The following DIP2C variants were observed in gnomAD, a reference collection of about 807,000 sequenced individuals.
DIP2C encodes the protein disco-interacting protein 2 homolog C.
In DIP2C, 33 loss-of-function variants were observed where a neutral mutation model predicts 192.4. The observed-to-expected ratio is 0.17, with a 90% confidence interval of 0.13 to 0.23. DIP2C has a LOEUF of 0.23. Among genes scored for constraint, DIP2C ranks in the 10% least tolerant of loss-of-function variants. The probability of loss-of-function intolerance (pLI) is 1.00; values close to 1 mark genes in which losing one functional copy is unlikely to be tolerated. For synonymous variants in DIP2C, 979 were observed against 864.1 expected (o/e 1.13, Z -2.33); for missense variants, 1,537 against 2,110.1 (o/e 0.73, Z 5.32).
At chr10:576,919 TAAA>T (rs983081552) in intron 1 of DIP2C, among the ~76,000 whole-genome samples, 3 of 144,848 alleles carry the variant, frequency 2.1e-5, no homozygotes, top group Admixed American at 2.1e-4. Flanking sequence ...TTCTGTCTAA[TAAA>T]AAAAAAAATA....
intron 35 of DIP2C, 79 bp from the exon 36 acceptor site, chr10:281,402 A>G: frequency 6.7e-7 from 1 of 1,502,048 alleles, no homozygotes; most frequent in South Asian, 1.3e-5. Context: ...AAAAAAGATT[A>G]AAAACGACCC....
At chr10:316,647 A>G (rs933246110) in intron 31 of DIP2C, among the ~76,000 whole-genome samples, 2 of 152,184 alleles carry the variant, frequency 1.3e-5, no homozygotes, top group Non-Finnish European at 2.9e-5. Context: ...TGGGTGATCC[A>G]GGCCACCCTC....
intron 1 of DIP2C, among the ~76,000 whole-genome samples, chr10:615,952 C>T (rs1179898019): frequency 6.6e-6 from 1 of 152,198 alleles, no homozygotes; most frequent in Non-Finnish European, 1.5e-5. Context: ...AGCCCGCTCA[C>T]ATTAATGACC....
chr10:348,229 T>C (rs1245913591), intron 26 of DIP2C, among the ~76,000 whole-genome samples: 1 of 152,220 alleles, frequency 6.6e-6, no homozygotes, highest in Admixed American at 6.5e-5. Context: ...CTCCTCCAGC[T>C]GTAGACGAAG....
Position 532,650 on chromosome 10 carries a change from TGA to T in DIP2C, c.86-46122_86-46121del, listed in dbSNP as rs1188687362. Among the ~76,000 whole-genome samples, 32 of 97,384 alleles carry T rather than the reference TGA, an allele frequency of 3.3e-4. 2 individuals carry two copies. Among genetic ancestry groups the T allele is most frequent in the African/African-American group, 5.0e-4 (9 of 17,890 alleles). The allele number at this position is 97,384 out of a possible 152,430, so 63.9% of individuals were successfully genotyped here. On this transcript the variant is annotated intron_variant, in intron 1 of 36. Coordinates refer to ENST00000280886, the MANE Select transcript of DIP2C (RefSeq NM_014974.3). ...ATGGGTGTGAGAGAGAGTATGGGTG[TGA>T]GAGAGAGTATGGGTGTGAGAGAGAG...
intron 3 of DIP2C, among the ~76,000 whole-genome samples, chr10:466,808 A>G (rs1970238514): frequency 7.0e-6 from 1 of 141,940 alleles, no homozygotes; most frequent in Admixed American, 7.5e-5. Flanking sequence ...GCCGTCAGAG[A>G]AATGCAAATC....
At chr10:606,544 CCGAA>C (rs1323596436) in intron 1 of DIP2C, among the ~76,000 whole-genome samples, 69 of 149,698 alleles carry the variant, frequency 4.6e-4, no homozygotes, top group South Asian at 1.3e-3. Context: ...CTGCTGTGAT[CCGAA>C]TTCTCATTGG....
chr10:417,049 A>G (rs140004880), intron 6 of DIP2C, among the ~76,000 whole-genome samples: 166 of 152,382 alleles, frequency 1.1e-3, no homozygotes, highest in African/African-American at 3.8e-3. Flanking sequence ...TAAATATTTC[A>G]TATCTCTGAA....
At chr10:579,314 C>T (rs935489030) in intron 1 of DIP2C, among the ~76,000 whole-genome samples, 15 of 151,916 alleles carry the variant, frequency 9.9e-5, no homozygotes, top group Non-Finnish European at 2.1e-4. Context: ...CATAGGTACA[C>T]TATAATACGT....
intron 1 of DIP2C, among the ~76,000 whole-genome samples, chr10:685,138 A>C: frequency 4.2e-4 from 21 of 50,310 alleles, no homozygotes; most frequent in African/African-American, 2.1e-3. Context: ...TGGTCCCCAA[A>C]AAAAAAAAAA....
chr10:550,537 C>G (rs1195529751), intron 1 of DIP2C, among the ~76,000 whole-genome samples: 2 of 152,120 alleles, frequency 1.3e-5, no homozygotes, highest in Admixed American at 1.3e-4. Context: ...CTATAGATAT[C>G]AACATTCTCC....
rs910000953 is a variant in DIP2C, at chr10:431,059, T to C, written c.395-8026A>G. On this transcript the variant is annotated intron_variant, in intron 4 of 36. Coordinates refer to ENST00000280886, the MANE Select transcript of DIP2C (RefSeq NM_014974.3). ...TTACTGGGCTCTCTATTCTGTCCCA[T>C]TGATCCTTTTGTTTGTTCTTTCACC... 3.3e-5 allele frequency among the ~76,000 whole-genome samples: 5 copies of C among 152,350 alleles called. No individual in the cohort carries two copies. In the East Asian group the frequency reaches 9.6e-4, roughly 29 times the overall value.
chr10:390,493 C>T (rs924076966), intron 11 of DIP2C, 120 bp from the exon 12 acceptor site: 13 of 1,107,508 alleles, frequency 1.2e-5, no homozygotes, highest in Middle Eastern at 2.1e-4. Flanking sequence ...CTGGTGTCTC[C>T]GGACTTCACG....
At chr10:489,859 A>T (rs7923548) in intron 1 of DIP2C, among the ~76,000 whole-genome samples, 1 of 52,670 alleles carries the variant, frequency 1.9e-5, no homozygotes. Flanking sequence ...TGGCTCTGAC[A>T]GTGCCCGGGG....
intron 1 of DIP2C, among the ~76,000 whole-genome samples, chr10:610,183 G>A (rs988069815): frequency 6.6e-6 from 1 of 152,198 alleles, no homozygotes; most frequent in Non-Finnish European, 1.5e-5. Context: ...CATGGAGCTG[G>A]AGGACATTAC....
Position 572,096 on chromosome 10 carries a change from C to G in DIP2C, c.86-85566G>C, listed in dbSNP as rs1588487184. Among the ~76,000 whole-genome samples the G allele has an allele frequency of 2.6e-5, 4 of 152,354 alleles. No individual in the cohort carries two copies. In the South Asian group the frequency reaches 8.3e-4, roughly 32 times the overall value. The stretch of plus-strand genomic sequence containing the variant: ...GGAGACCCTTCTCGGGATTGAGTGA[C>G]AGCCTTCGATCACGGTTATCCTAGT... On this transcript the variant is annotated intron_variant, in intron 1 of 36. Coordinates refer to ENST00000280886, the MANE Select transcript of DIP2C (RefSeq NM_014974.3).
Position 495,948 on chromosome 10 carries a change from C to T in DIP2C, c.86-9418G>A, listed in dbSNP as rs1232918751. 2.0e-5 allele frequency among the ~76,000 whole-genome samples: 3 copies of T among 150,984 alleles called. No individual in the cohort carries two copies. In the East Asian group the frequency reaches 5.9e-4, roughly 30 times the overall value. ...GAGTACACAGAACCCACGGTGCCTT[C>T]CCGTGTACTTAAAATCTCTCCATTA... is the stretch of plus-strand genomic sequence containing the variant. On this transcript the variant is annotated intron_variant, in intron 1 of 36. Transcript: ENST00000280886.
At chr10:460,418 G>T (rs1158660181) in intron 3 of DIP2C, among the ~76,000 whole-genome samples, 1 of 152,174 alleles carries the variant, frequency 6.6e-6, no homozygotes. Context: ...ATAAAGAGAA[G>T]ATATGTACTA....
intron 34 of DIP2C, among the ~76,000 whole-genome samples, chr10:284,760 A>G (rs1005127444): frequency 7.2e-5 from 11 of 152,226 alleles, no homozygotes; most frequent in Middle Eastern, 3.2e-3. Context: ...ACACACACAC[A>G]ATGTGAGCTG....
Sources: gnomAD v4.1 joint callset for allele counts (sites outside exome capture counted in the v4.1 genomes callset) on GRCh38, gnomAD v4.1.1 for gene constraint, MANE v1.5 for transcripts, NCBI Gene and HGNC (gene_info 2026-07-23, HGNC 2026-07-21) for gene names.